LARP1B: variants seen among roughly 807,000 people sequenced by gnomAD.
LARP1B encodes La ribonucleoprotein 1B.
A neutral mutation model predicts 114.2 loss-of-function variants in LARP1B; 76 were observed. That is an observed-to-expected ratio of 0.67 (90% CI 0.55 to 0.81). LARP1B has a LOEUF of 0.81. Ranked by LOEUF, LARP1B falls within the 30% of genes least tolerant of loss-of-function variation. LARP1B has a pLI of 0.00. For missense variants in LARP1B, 1,014 were observed against 1,075.8 expected, an observed-to-expected ratio of 0.94 and a Z score of 0.80; for synonymous variants, 345 against 348.0, an observed-to-expected ratio of 0.99 and a Z score of 0.10.
intron 1 of LARP1B, among the ~76,000 whole-genome samples, chr4:128,073,572 G>GATTTTTTTTTTTTTTTTTTTTTTTTTTT (rs1766384506): frequency 2.5e-5 from 1 of 39,996 alleles, no homozygotes; most frequent in Admixed American, 3.3e-4. Context: ...TATTGTTGTC[G>GATTTTTTTTTTTTTTTTTTTTTTTTTTT]TTTTTTTTTT....
chr4:128,084,453 T>C (rs1360173794), intron 5 of LARP1B, among the ~76,000 whole-genome samples: 1 of 152,098 alleles, frequency 6.6e-6, no homozygotes, highest in Non-Finnish European at 1.5e-5. Flanking sequence ...CGAAACCCCG[T>C]CTCCACCAAA....
chr4:128,147,131 A>T (rs1730686341), intron 11 of LARP1B, among the ~76,000 whole-genome samples: 1 of 152,222 alleles, frequency 6.6e-6, no homozygotes, highest in African/African-American at 2.4e-5. Flanking sequence ...TTGAGGAGTG[A>T]TGGAGTTTCC....
chr4:128,151,975 G>T (rs2150327744), intron 11 of LARP1B, among the ~76,000 whole-genome samples: 1 of 152,260 alleles, frequency 6.6e-6, no homozygotes. Context: ...CCAGAGACAT[G>T]TGATGTCAGT....
chr4:128,220,822 C>G (rs958588362), intron 7 of LARP1B, among the ~76,000 whole-genome samples: 2 of 152,130 alleles, frequency 1.3e-5, no homozygotes, highest in Admixed American at 6.5e-5. Context: ...ATGAATGGAT[C>G]CTACCTAAAA....
chr4:128,130,186 A>G (rs150136126), intron 11 of LARP1B, among the ~76,000 whole-genome samples: 354 of 152,232 alleles, frequency 2.3e-3, no homozygotes, highest in Non-Finnish European at 4.2e-3. Flanking sequence ...GACTGTCTCT[A>G]CGAAAAATTT....
In LARP1B at chr4:128,211,656, T is replaced by A; in HGVS notation, c.*1603T>A. On this transcript the variant is annotated 3_prime_UTR_variant, in exon 20 of 20. Transcript: ENST00000326639. ...TTAAATGGGGTATGTAGTTCCAGCT[T>A]TTCAGTGAGAAATTTCCAAACCGTG... The A allele has an allele frequency of 5.1e-6, 5 of 985,104 alleles. No individual in the cohort carries two copies. The highest frequency in any genetic ancestry group is 6.0e-6 in the Non-Finnish European group (5 of 829,640). 61.0% of individuals were successfully genotyped at this position (985,104 alleles called of 1,614,324 possible).
chr4:128,098,747 G>GTGTATATATATA lies in LARP1B; in HGVS notation c.813+418_813+419insGTATATATATAT. 8.3e-4 allele frequency among the ~76,000 whole-genome samples: 13 copies of GTGTATATATATA among 15,584 alleles called. 1 individual carries two copies. Among genetic ancestry groups the GTGTATATATATA allele is most frequent in the East Asian group, 1.8e-3 (1 of 554 alleles). 10.2% of individuals were successfully genotyped at this position (15,584 alleles called of 152,430 possible). On this transcript the variant is annotated intron_variant, in intron 8 of 19. Coordinates refer to ENST00000326639, the MANE Select transcript of LARP1B (RefSeq NM_018078.4). ...AGCATGTGTTCCTGTATATGTATGT[G>GTGTATATATATA]TATATATATATATATATATATTTTT...
intron 15 of LARP1B, among the ~76,000 whole-genome samples, chr4:128,190,390 AG>A (rs1355123847): frequency 1.3e-5 from 2 of 151,564 alleles, no homozygotes; most frequent in East Asian, 1.9e-4. Context: ...TGACATTTTC[AG>A]GTTTGATTAT....
chr4:128,108,598 A>C, intron 9 of LARP1B: 2 of 985,480 alleles, frequency 2.0e-6, no homozygotes, highest in Non-Finnish European at 2.4e-6. Context: ...AATCCCAGTA[A>C]GCAACTTGGA....
At chr4:128,183,202 AGT>A (rs1749158567) in intron 15 of LARP1B, among the ~76,000 whole-genome samples, 3 of 152,348 alleles carry the variant, frequency 2.0e-5, no homozygotes, top group Middle Eastern at 3.4e-3. Flanking sequence ...ATAGATTTTC[AGT>A]GTAGACAAAA....
intron 5 of LARP1B, among the ~76,000 whole-genome samples, chr4:128,085,215 T>A (rs1488923252): frequency 6.6e-6 from 1 of 152,172 alleles, no homozygotes; most frequent in Non-Finnish European, 1.5e-5. Context: ...TCTAGACTTT[T>A]AAAAAATTTT....
intron 1 of LARP1B, among the ~76,000 whole-genome samples, chr4:128,063,355 G>T (rs1761064801): frequency 6.8e-6 from 1 of 146,696 alleles, no homozygotes; most frequent in Non-Finnish European, 1.5e-5. Flanking sequence ...TTGAACCCGG[G>T]AGGTGGAGGT....
At position 128,209,883 on chromosome 4, in the gene LARP1B, A is replaced by G; in HGVS notation, c.2575A>G (p.Lys859Glu). The change falls in exon 20 of 20, where the codon AAA (lysine) becomes GAA (glutamate). Residue 859 changes from lysine (K) to glutamate (E), a missense_variant. Physicochemically the swap from Lys to Glu is moderately conservative, Grantham distance 56. Coordinates refer to ENST00000326639, the MANE Select transcript of LARP1B (RefSeq NM_018078.4). ...CCCTATTAGTGATGAATTTGGAAGA[A>G]AAAGACATTCCTCTACTTCTGGTGA... ...DPPISDEFGR[K>E]RHSSTSGEES... is the part of the protein sequence containing the mutation. 1 of 1,614,062 alleles carries G rather than the reference A, an allele frequency of 6.2e-7. No homozygotes were observed. The highest frequency in any genetic ancestry group is 8.5e-7 in the Non-Finnish European group (1 of 1,179,934).
intron 8 of LARP1B, among the ~76,000 whole-genome samples, chr4:128,102,744 C>T (rs1198622078): frequency 6.6e-6 from 1 of 152,130 alleles, no homozygotes; most frequent in African/African-American, 2.4e-5. Context: ...AGTTGTATAA[C>T]TAAGCAATTA....
intron 8 of LARP1B, among the ~76,000 whole-genome samples, chr4:128,100,178 T>A (rs1779786510): frequency 6.6e-6 from 1 of 152,084 alleles, no homozygotes; most frequent in African/African-American, 2.4e-5. Flanking sequence ...GCCAGGCTGG[T>A]CTCGAACTCC....
At chr4:128,067,710 C>CTTTTTT (rs66709998) in intron 1 of LARP1B, among the ~76,000 whole-genome samples, 4 of 145,112 alleles carry the variant, frequency 2.8e-5, no homozygotes, top group African/African-American at 2.5e-5. Flanking sequence ...TGGATACCTC[C>CTTTTTT]TTTTTTTTTT....
At chr4:128,137,778 T>C in intron 11 of LARP1B, among the ~76,000 whole-genome samples, 1 of 78,738 alleles carries the variant, frequency 1.3e-5, no homozygotes, top group East Asian at 2.7e-4. Flanking sequence ...TACATATATA[T>C]ATATATATAT....
chr4:128,108,276 A>G, intron 9 of LARP1B: 1 of 1,051,770 alleles, frequency 9.5e-7, no homozygotes, highest in Non-Finnish European at 1.1e-6. Context: ...CCAGATGAAT[A>G]AAGCAGAAAA....
intron 5 of LARP1B, among the ~76,000 whole-genome samples, chr4:128,082,908 G>T (rs1242129604): frequency 1.3e-5 from 2 of 150,932 alleles, no homozygotes; most frequent in Non-Finnish European, 3.0e-5. Context: ...AGGGAAGGTC[G>T]GCAGATAAAC....
Sources: gnomAD v4.1 joint callset for allele counts (sites outside exome capture counted in the v4.1 genomes callset) on GRCh38, gnomAD v4.1.1 for gene constraint, MANE v1.5 for transcripts, NCBI Gene and HGNC (gene_info 2026-07-23, HGNC 2026-07-21) for gene names.